Variants in ASB15 observed in about 807,000 individuals in gnomAD.
The protein encoded by ASB15 is ankyrin repeat and SOCS box protein 15.
In ASB15, 54 loss-of-function variants were observed where a neutral mutation model predicts 58.0. The ratio of observed to expected loss-of-function variants is 0.93; its 90% CI spans 0.75 to 1.17. ASB15 has a LOEUF of 1.17. ASB15 is among the 50% of genes most tolerant of loss of function. The probability of loss-of-function intolerance (pLI) is 0.00; values close to 1 mark genes in which losing one functional copy is unlikely to be tolerated. For synonymous variants in ASB15, 249 were observed against 262.4 expected, an observed-to-expected ratio of 0.95 and a Z score of 0.50; for missense variants, 680 against 707.4, an observed-to-expected ratio of 0.96 and a Z score of 0.44.
At chr7:123,569,460 G>A (rs538227501) in intron 1 of ASB15, among the ~76,000 whole-genome samples, 60 of 152,316 alleles carry the variant, frequency 3.9e-4, no homozygotes, top group Non-Finnish European at 7.3e-4. Flanking sequence ...GGGTGGTGGT[G>A]TGTGATCCTA....
intron 11 of ASB15, among the ~76,000 whole-genome samples, chr7:123,636,402 C>A (rs1802428563): frequency 6.6e-6 from 1 of 152,104 alleles, no homozygotes; most frequent in African/African-American, 2.4e-5. Context: ...GTCGATGTTT[C>A]ATGGATAGTT....
At chr7:123,568,376 C>T (rs1055658763) in intron 1 of ASB15, among the ~76,000 whole-genome samples, 4 of 151,736 alleles carry the variant, frequency 2.6e-5, no homozygotes, top group South Asian at 2.1e-4. Context: ...CAAAATTAGC[C>T]GGGCATGGTG....
intron 7 of ASB15, 112 bp downstream of exon 7, chr7:123,617,849 A>G: frequency 1.8e-6 from 2 of 1,093,164 alleles, no homozygotes; most frequent in Non-Finnish European, 2.6e-6. Context: ...CCATTCCCTG[A>G]GCTACTTGCC....
At chr7:123,634,313 G>C (rs1158514625) in intron 11 of ASB15, among the ~76,000 whole-genome samples, 2 of 151,540 alleles carry the variant, frequency 1.3e-5, no homozygotes, top group East Asian at 3.9e-4. Context: ...TTGGTTTTCT[G>C]TTCCTGCATT....
chr7:123,589,753 TA>T (rs1333947550), intron 1 of ASB15, among the ~76,000 whole-genome samples: 10 of 152,178 alleles, frequency 6.6e-5, no homozygotes, highest in African/African-American at 2.2e-4. Flanking sequence ...CAAGTCTTGC[TA>T]TTGTGAAGAG....
chr7:123,578,948 G>C (rs1799147677), intron 1 of ASB15, among the ~76,000 whole-genome samples: 1 of 151,942 alleles, frequency 6.6e-6, no homozygotes, highest in Non-Finnish European at 1.5e-5. Context: ...ACATATGCAG[G>C]TTTGTTACAT....
At chr7:123,593,698 G>A (rs1439263888) in intron 1 of ASB15, among the ~76,000 whole-genome samples, 1 of 151,962 alleles carries the variant, frequency 6.6e-6, no homozygotes, top group African/African-American at 2.4e-5. Flanking sequence ...TTTCTCTCTG[G>A]CTGCCCTTAA....
At chr7:123,614,046 C>CAA (rs200049243) in intron 3 of ASB15, 17 of 153,860 alleles carry the variant, frequency 1.1e-4, no homozygotes, top group African/African-American at 3.6e-4. Flanking sequence ...ACTCCATCTC[C>CAA]AAAAACAAAA....
rs763405451 is a variant in ASB15 at position 123,629,970 on chromosome 7, G to A, written c.1445G>A (p.Cys482Tyr). 1.3e-6 allele frequency: 2 copies of A among 1,573,562 alleles called. No individual in the cohort carries two copies. Among genetic ancestry groups the A allele is most frequent in the Admixed American group, 1.7e-5 (1 of 57,726 alleles). ...TSCVIKDNPF[C>Y]EFITVPWMKH... ...AAATTTTATCAATTCTCTCAGTTCTGTGAGTTTATTACAGTTCCTTGGATG... is the reference window on the plus strand; with the variant it reads ...AAATTTTATCAATTCTCTCAGTTCTATGAGTTTATTACAGTTCCTTGGATG... Residue 482 changes from cysteine (C) to tyrosine (Y), a missense_variant, in exon 11 of 12, where the codon TGT becomes TAT. By Grantham distance (194) the Cys-to-Tyr change is radical (BLOSUM62 -2). Transcript: ENST00000451215.
chr7:123,605,572 A>C (rs1488106044), intron 2 of ASB15, among the ~76,000 whole-genome samples: 1 of 152,226 alleles, frequency 6.6e-6, no homozygotes, highest in Non-Finnish European at 1.5e-5. Context: ...TGTTCACAAC[A>C]GCAAAAACAT....
chr7:123,624,912 G>A (rs1801674086), intron 8 of ASB15, 98 bp downstream of exon 8: 2 of 1,399,984 alleles, frequency 1.4e-6, no homozygotes, highest in Non-Finnish European at 1.9e-6. Flanking sequence ...GTAACTAGGG[G>A]AGCTCCTCTT....
chr7:123,599,033 T>C (rs1341661946), upstream of ASB15: 1 of 152,232 alleles, frequency 6.6e-6, no homozygotes, highest in African/African-American at 2.4e-5. Flanking sequence ...TATGTTTTTA[T>C]ATTCTTTTCT....
chr7:123,589,045 T>A (rs894124203), intron 1 of ASB15, among the ~76,000 whole-genome samples: 2 of 151,878 alleles, frequency 1.3e-5, no homozygotes, highest in African/African-American at 4.8e-5. Context: ...CTATGTAATG[T>A]TCTGCATATG....
At chr7:123,584,198 C>T (rs1026061036) in intron 1 of ASB15, among the ~76,000 whole-genome samples, 2 of 149,622 alleles carry the variant, frequency 1.3e-5, no homozygotes, top group African/African-American at 4.9e-5. Context: ...TCAAATTTTA[C>T]ATGATCCAAA....
Position 123,614,547 on chromosome 7 carries a change from T to C in ASB15, c.45T>C (p.Tyr15=), listed in dbSNP as rs370714226. 1.1e-5 allele frequency: 17 copies of C among 1,611,316 alleles called. No homozygotes were observed. The highest frequency in any genetic ancestry group is 1.4e-5 in the Non-Finnish European group (16 of 1,177,816). ...DDPDEDHLTS[Y]DIQLSIQESI... is the part of the protein sequence containing the mutation. The stretch of plus-strand genomic sequence containing the variant: ...CTGATGAAGACCATCTTACAAGTTA[T>C]GATATTCAGCTAAGTATTCAAGAAT... The change falls in exon 4 of 12, where the codon TAT becomes TAC. Residue 15 remains tyrosine (Y), a synonymous_variant. Transcript: ENST00000451215.
chr7:123,634,537 G>A (rs1802312288), intron 11 of ASB15, among the ~76,000 whole-genome samples: 2 of 151,900 alleles, frequency 1.3e-5, no homozygotes, highest in Admixed American at 1.3e-4. Flanking sequence ...TTTACAATAG[G>A]ATGTTTTATT....
Position 123,624,820 on chromosome 7 carries a change from T to G in ASB15, c.697+6T>G. 2 of 1,612,354 alleles carry G rather than the reference T, an allele frequency of 1.2e-6. No homozygotes were observed. Among genetic ancestry groups the G allele is most frequent in the Non-Finnish European group, 1.7e-6 (2 of 1,178,982 alleles). On this transcript the variant is annotated splice_donor_region_variant and intron_variant, in intron 8 of 11. Transcript: ENST00000451215. ...AGAACATCTAATCCACAAAGGTATG[T>G]GAAAAGGAGTTACACTTCCTGACTT...
At position 123,639,050 on chromosome 7, in the gene ASB15, G is replaced by C. The variant is rs185206419; in HGVS notation, c.*2069G>C. On this transcript the variant is annotated 3_prime_UTR_variant, in exon 12 of 12. Coordinates refer to ENST00000451215, the MANE Select transcript of ASB15 (RefSeq NM_001290258.2). Reference sequence around the variant, plus strand: ...ATAATAGTTTTAAATTTCTGAGTGAGTTATGTAATCTTGTAATTATTTAAT... The same window carrying C: ...ATAATAGTTTTAAATTTCTGAGTGACTTATGTAATCTTGTAATTATTTAAT... 9.9e-5 allele frequency: 15 copies of C among 152,076 alleles called. No homozygotes were observed. Among genetic ancestry groups the C allele is most frequent in the Middle Eastern group, 3.4e-3 (1 of 294 alleles). 9.4% of individuals were successfully genotyped at this position (152,076 alleles called of 1,614,324 possible). A position where few individuals can be genotyped will look rare whatever the true frequency, so the allele number is the denominator to read the frequency against.
chr7:123,580,491 C>T (rs367796990), intron 1 of ASB15, among the ~76,000 whole-genome samples: 1 of 152,016 alleles, frequency 6.6e-6, no homozygotes, highest in East Asian at 1.9e-4. Context: ...ACTTAACCCC[C>T]TAAGCCTTAC....
Sources: allele counts gnomAD v4.1 joint callset (sites outside exome capture counted in the v4.1 genomes callset), GRCh38; gene constraint gnomAD v4.1.1; transcripts MANE v1.5; gene names NCBI Gene and HGNC (gene_info 2026-07-23, HGNC 2026-07-21).